The following PKHD1 variants were observed in gnomAD, a reference collection of about 807,000 sequenced individuals.
PKHD1 encodes the protein PKHD1 ciliary IPT domain containing fibrocystin/polyductin.
In PKHD1, 291 loss-of-function variants were observed where a neutral mutation model predicts 412.0. The observed-to-expected ratio is 0.71, with a 90% CI of 0.64 to 0.78. PKHD1 has a LOEUF of 0.78. Ranked by LOEUF, PKHD1 falls within the 30% of genes least tolerant of loss-of-function variation. PKHD1 has a pLI of 0.00. For missense variants in PKHD1, 4,825 were observed against 4,950.7 expected (o/e 0.97, Z 0.76); for synonymous variants, 1,777 against 1,821.5 (o/e 0.98, Z 0.62).
chr6:51,634,192 G>A (rs1022699036), intron 64 of PKHD1, among the ~76,000 whole-genome samples: 14 of 152,160 alleles, frequency 9.2e-5, no homozygotes, highest in Middle Eastern at 3.4e-3. Context: ...TTTATTTTAT[G>A]TACTCAAGGA....
chr6:51,897,613 C>CAA (rs1490727625), intron 43 of PKHD1, among the ~76,000 whole-genome samples: 1 of 145,068 alleles, frequency 6.9e-6, no homozygotes, highest in East Asian at 2.1e-4. Flanking sequence ...AACTAACGAG[C>CAA]AAAATCACCA....
intron 46 of PKHD1, among the ~76,000 whole-genome samples, chr6:51,873,450 T>A (rs1438870675): frequency 3.3e-5 from 5 of 152,236 alleles, no homozygotes; most frequent in Non-Finnish European, 5.9e-5. Context: ...TATTAGTTTT[T>A]ATTTTTTAGA....
At chr6:51,793,528 C>T (rs1009873751) in intron 52 of PKHD1, among the ~76,000 whole-genome samples, 1 of 152,150 alleles carries the variant, frequency 6.6e-6, no homozygotes, top group Non-Finnish European at 1.5e-5. Flanking sequence ...CACCTGCCCT[C>T]TGACAGACCC....
intron 35 of PKHD1, among the ~76,000 whole-genome samples, chr6:51,976,672 A>AG (rs1395924430): frequency 6.6e-6 from 1 of 152,252 alleles, no homozygotes; most frequent in African/African-American, 2.4e-5. Flanking sequence ...CTGAAAGGCC[A>AG]GGCACGGTGG....
chr6:51,622,763 C>T (rs1200746820), intron 66 of PKHD1: 1 of 151,974 alleles, frequency 6.6e-6, no homozygotes, highest in Non-Finnish European at 1.5e-5. Flanking sequence ...TTTTAGTAAA[C>T]CTAATTTAAC....
chr6:51,649,139 T>C lies in PKHD1; in HGVS notation c.11256A>G (p.Gly3752=). The C allele has an allele frequency of 6.2e-7, 1 of 1,613,714 alleles. No homozygotes were observed. The highest frequency in any genetic ancestry group is 8.5e-7 in the Non-Finnish European group (1 of 1,179,644). The change falls in exon 62 of 67, where the codon GGA becomes GGG. Residue 3752 remains glycine, a synonymous_variant. Transcript: ENST00000371117. ...ALSILVQPSD[G]EVGNELPVQP... is the part of the protein sequence containing the mutation. ...GCACTGGAAGCTCATTTCCCACTTC[T>C]CCATCTGAAGGCTGGACTAGGATGG...
chr6:51,682,245 T>C (rs1359853027), intron 60 of PKHD1: 1 of 455,496 alleles, frequency 2.2e-6, no homozygotes. Context: ...CCAGGAGACC[T>C]AGGATGAAAA....
At chr6:51,626,345 G>C (rs1767240005) in intron 66 of PKHD1, among the ~76,000 whole-genome samples, 1 of 152,092 alleles carries the variant, frequency 6.6e-6, no homozygotes. Flanking sequence ...ACCCATACTT[G>C]GCAAAGCCAT....
At chr6:51,757,493 A>G (rs1787212649) in intron 55 of PKHD1, among the ~76,000 whole-genome samples, 1 of 152,100 alleles carries the variant, frequency 6.6e-6, no homozygotes, top group Non-Finnish European at 1.5e-5. Context: ...CAGGTCTCTC[A>G]TTCTTGAAAA....
In PKHD1 at chr6:52,045,003, A is replaced by C; in HGVS notation, c.2678T>G (p.Phe893Cys). Residue 893 changes from phenylalanine (F) to cysteine (C), a missense_variant, in exon 25 of 67, where the codon TTT (phenylalanine) becomes TGT (cysteine). Transcript: ENST00000371117. Reference sequence around the variant, plus strand: ...GTTGGCAGTAGCCAACATGTCTCCAAATATGGGTCCAAGAAAAACTCCACC... The same window carrying C: ...GTTGGCAGTAGCCAACATGTCTCCACATATGGGTCCAAGAAAAACTCCACC... Reference protein sequence around the residue: ...YDGGVFLGPIFGDMLATANQH... With the variant: ...YDGGVFLGPICGDMLATANQH... 6.2e-7 allele frequency: 1 copy of C among 1,613,734 alleles called. No individual in the cohort carries two copies. Among genetic ancestry groups the C allele is most frequent in the Non-Finnish European group, 8.5e-7 (1 of 1,179,656 alleles).
In PKHD1 at chr6:52,030,945, G is replaced by A. The variant is rs541201700; in HGVS notation, c.3364+2085C>T. 1.7e-3 allele frequency among the ~76,000 whole-genome samples: 264 copies of A among 152,250 alleles called. 3 individuals carry two copies. Among genetic ancestry groups the A allele is most frequent in the Middle Eastern group, 0.01 (3 of 294 alleles). ...AAAAGTTTGAATTTAGCACTGGCAGGCTTTTGAGCTAATGGATCCTGGGGT... is the reference window on the plus strand; with the variant it reads ...AAAAGTTTGAATTTAGCACTGGCAGACTTTTGAGCTAATGGATCCTGGGGT... On this transcript the variant is annotated intron_variant, in intron 29 of 66. Coordinates refer to ENST00000371117, the MANE Select transcript of PKHD1 (RefSeq NM_138694.4).
Position 51,659,099 on chromosome 6 carries a change from C to T in PKHD1, c.11027G>A (p.Gly3676Glu), listed in dbSNP as rs1772375102. 2 of 1,613,816 alleles carry T rather than the reference C, an allele frequency of 1.2e-6. No individual in the cohort carries two copies. Among genetic ancestry groups the T allele is most frequent in the Non-Finnish European group, 8.5e-7 (1 of 1,179,862 alleles). ...GTTACTTGATAAGGATGAAATCATT[C>T]CAGTGCTCCTTACTGTTGGCGAATC... ...IGDSPTVRST[G>E]MISSLSSNKL... Residue 3676 changes from glycine (G) to glutamate (E), a missense_variant, in exon 61 of 67, where the codon GGA becomes GAA. Gly to Glu is a moderately conservative substitution (Grantham distance 98, BLOSUM62 -2). Transcript: ENST00000371117.
At chr6:52,004,501 A>G (rs1431418059) in intron 35 of PKHD1, among the ~76,000 whole-genome samples, 3 of 151,918 alleles carry the variant, frequency 2.0e-5, no homozygotes, top group Non-Finnish European at 4.4e-5. Context: ...AGTTGATTGC[A>G]TATTTTGCTT....
chr6:51,906,131 G>T (rs1376428713), intron 41 of PKHD1, 84 bp downstream of exon 41: 16 of 1,121,552 alleles, frequency 1.4e-5, no homozygotes, highest in Non-Finnish European at 2.2e-5. Context: ...TATAAATTAG[G>T]AATTAGAAAT....
intron 46 of PKHD1, among the ~76,000 whole-genome samples, chr6:51,870,876 A>C (rs904341693): frequency 1.3e-5 from 2 of 152,174 alleles, no homozygotes; most frequent in African/African-American, 2.4e-5. Context: ...AAAACCTTCA[A>C]AAGATAACCC....
chr6:51,932,887 T>C (rs151255722), intron 37 of PKHD1, among the ~76,000 whole-genome samples: 5 of 152,282 alleles, frequency 3.3e-5, no homozygotes, highest in East Asian at 1.9e-4. Flanking sequence ...TAGACAATGA[T>C]TGGGGCCTGT....
intron 43 of PKHD1, among the ~76,000 whole-genome samples, chr6:51,887,874 G>A (rs1001522554): frequency 1.3e-5 from 2 of 152,188 alleles, no homozygotes; most frequent in Admixed American, 1.3e-4. Flanking sequence ...TCTTCCTCCA[G>A]CCAGCTCAAC....
In PKHD1 at chr6:51,748,427, G is replaced by A. The variant is rs1188293865; in HGVS notation, c.9189C>T (p.Asn3063=). 6.2e-7 allele frequency: 1 copy of A among 1,614,022 alleles called. No homozygotes were observed. Among genetic ancestry groups the A allele is most frequent in the East Asian group, 2.2e-5 (1 of 44,866 alleles). ...CTGGCTGTGTCATCAGAACCACAAG[G>A]TTATTAGTGACAGTATAGGCCTGAC... The part of the protein sequence containing the change: ...LEGQAYTVTN[N]LVVLMTQPAW... The change falls in exon 58 of 67, where the codon AAC becomes AAT. Residue 3063 remains asparagine, a synonymous_variant. Coordinates refer to ENST00000371117, the MANE Select transcript of PKHD1 (RefSeq NM_138694.4).
At position 51,911,874 on chromosome 6, in the gene PKHD1, T is replaced by C. The variant is rs369387807; in HGVS notation, c.6415A>G (p.Ile2139Val). ...TTAGTGAGATTTCCTTGTATGGTAA[T>C]ACTCCTGCTGAGCAGAGCCACAGTG... The part of the protein sequence containing the change: ...KATVALLSRS[I>V]TIQGNLTNER... Residue 2139 changes from isoleucine to valine, a missense_variant, in exon 39 of 67, where the codon ATT becomes GTT. Transcript: ENST00000371117. 5.6e-6 allele frequency: 9 copies of C among 1,612,184 alleles called. No homozygotes were observed. Among genetic ancestry groups the C allele is most frequent in the Non-Finnish European group, 6.8e-6 (8 of 1,178,536 alleles).
Sources: gnomAD v4.1 joint callset for allele counts (sites outside exome capture counted in the v4.1 genomes callset) on GRCh38, gnomAD v4.1.1 for gene constraint, MANE v1.5 for transcripts, NCBI Gene and HGNC (gene_info 2026-07-23, HGNC 2026-07-21) for gene names.